MZF1: variants seen among roughly 807,000 people sequenced by gnomAD.
The protein encoded by MZF1 is zinc finger and SCAN domain-containing protein 6.
A neutral mutation model predicts 28.6 loss-of-function variants in MZF1; 24 were observed. The observed-to-expected ratio is 0.84, with a 90% CI of 0.61 to 1.18. The LOEUF (loss-of-function observed/expected upper bound fraction) is 1.18. Ranked by LOEUF, MZF1 falls within the 50% of genes most tolerant of loss-of-function variation. The probability of loss-of-function intolerance (pLI) is 0.00; values close to 1 mark genes in which losing one functional copy is unlikely to be tolerated. For missense variants in MZF1, 1,166 were observed against 1,026.4 expected, an observed-to-expected ratio of 1.14 and a Z score of -1.86; for synonymous variants, 516 against 432.5, an observed-to-expected ratio of 1.19 and a Z score of -2.40.
chr19:58,569,159 G>C (rs1347329762), intron 5 of MZF1, 118 bp downstream of exon 5: 1 of 1,332,020 alleles, frequency 7.5e-7, no homozygotes, highest in Non-Finnish European at 1.0e-6. Flanking sequence ...TCTAGGGAAT[G>C]GGGGAACTTG....
chr19:58,564,370 A>C (rs1389902902), intron 5 of MZF1: 2 of 152,244 alleles, frequency 1.3e-5, no homozygotes, highest in Non-Finnish European at 2.9e-5. Context: ...CAAACCAAAA[A>C]ACTCTCCACA....
chr19:58,571,194 G>A lies in MZF1; in HGVS notation c.196C>T (p.Arg66Ter), dbSNP rs766279533. ...TGPQEALAQL[R>*]ELCRQWLRPE... ...CGCAGCCACTGGCGACACAGCTCTCGGAGCTGGGCCAGGGCCTCTTGGGGC... is the reference window on the plus strand; with the variant it reads ...CGCAGCCACTGGCGACACAGCTCTCAGAGCTGGGCCAGGGCCTCTTGGGGC... The change falls in exon 2 of 6, where the codon CGA becomes TGA. Residue 66 changes from arginine (R) to a stop codon, truncating the protein, a stop_gained. Coordinates refer to ENST00000215057, the MANE Select transcript of MZF1 (RefSeq NM_198055.2). LOFTEE classifies it high-confidence loss of function. 7.4e-6 allele frequency: 12 copies of A among 1,613,144 alleles called. No homozygotes were observed. Among genetic ancestry groups the A allele is most frequent in the African/African-American group, 2.7e-5 (2 of 74,922 alleles).
At chr19:58,569,827 C>T (rs1244640010) in intron 3 of MZF1, 8 of 497,658 alleles carry the variant, frequency 1.6e-5, no homozygotes, top group South Asian at 5.1e-5. Context: ...CCCCTGTAGC[C>T]GTATGTGAAC....
In MZF1 at chr19:58,571,002, G is replaced by T; in HGVS notation, c.388C>A (p.Arg130=). 1 of 1,605,950 alleles carries T rather than the reference G, an allele frequency of 6.2e-7. No homozygotes were observed. The highest frequency in any genetic ancestry group is 8.5e-7 in the Non-Finnish European group (1 of 1,175,278). Reference sequence around the variant, plus strand: ...CGTGGACACTCACTCACCCATCTCCGGGGTCCGCCCGGCTCCCGGCGCAGC... The same window carrying T: ...CGTGGACACTCACTCACCCATCTCCTGGGTCCGCCCGGCTCCCGGCGCAGC... The part of the protein sequence containing the change: ...DGLRREPGGP[R]RWVTVQVQGQ... Residue 130 remains arginine, a synonymous_variant, in exon 2 of 6, where the codon CGG becomes AGG. Coordinates refer to ENST00000215057, the MANE Select transcript of MZF1 (RefSeq NM_198055.2).
chr19:58,572,749 G>T, intron 1 of MZF1: 1 of 616,130 alleles, frequency 1.6e-6, no homozygotes, highest in Non-Finnish European at 2.5e-6. Flanking sequence ...TAGCCAAGAT[G>T]GCAGGTACCT....
chr19:58,566,888 G>C (rs1201868416), intron 5 of MZF1, among the ~76,000 whole-genome samples: 1 of 146,964 alleles, frequency 6.8e-6, no homozygotes, highest in Non-Finnish European at 1.5e-5. Flanking sequence ...AAAAGGCACA[G>C]TTTTATTCCC....
chr19:58,572,919 C>T lies in MZF1; in HGVS notation c.-41+136G>A, dbSNP rs902737664. On this transcript the variant is annotated intron_variant, in intron 1 of 5. Coordinates refer to ENST00000215057, the MANE Select transcript of MZF1 (RefSeq NM_198055.2). ...GATTGACAAGCCTCTCGCTCTAGCC[C>T]TGGGCGCTCCCGCAAGGACTGCCCG... The T allele has an allele frequency of 2.0e-5, 5 of 249,050 alleles. No individual in the cohort carries two copies. In the Admixed American group the frequency reaches 2.5e-4, roughly 12 times the overall value. The allele number at this position is 249,050 out of a possible 1,614,324, so 15.4% of individuals were successfully genotyped here.
intron 1 of MZF1, 154 bp from the exon 2 acceptor site, chr19:58,571,583 A>G: frequency 1.4e-6 from 1 of 706,698 alleles, no homozygotes; most frequent in South Asian, 2.0e-5. Flanking sequence ...CCACAGACTT[A>G]TGCAGCTGGA....
Position 58,569,528 on chromosome 19 carries a change from A to G in MZF1, c.639T>C (p.Pro213=), listed in dbSNP as rs762161517. The change falls in exon 4 of 6, where the codon CCT becomes CCC. Residue 213 remains proline, a synonymous_variant. Coordinates refer to ENST00000215057, the MANE Select transcript of MZF1 (RefSeq NM_198055.2). ...ATQESVPTLL[P]EEAQRCGTVL... ...GGGCAGGACTTACCTGGGCCTCCTC[A>G]GGCAGGAGGGTGGGTACAGACTCCT... is the stretch of plus-strand genomic sequence containing the variant. 16 of 1,611,482 alleles carry G rather than the reference A, an allele frequency of 9.9e-6. No individual in the cohort carries two copies. In the South Asian group the frequency reaches 1.8e-4, roughly 18 times the overall value.
chr19:58,571,246 C>A lies in MZF1; in HGVS notation c.144G>T (p.Arg48=). 1 of 1,612,800 alleles carries A rather than the reference C, an allele frequency of 6.2e-7. No individual in the cohort carries two copies. The change falls in exon 2 of 6, where the codon CGG becomes CGT. Residue 48 remains arginine, a synonymous_variant. Transcript: ENST00000215057. The part of the protein sequence containing the change: ...PGPEAARLRF[R]CFRYEEATGP... Reference sequence around the variant, plus strand: ...CTGTGGCCTCCTCATAGCGGAAGCACCGGAAACGCAGGCGTGCAGCTTCAG... The same window carrying A: ...CTGTGGCCTCCTCATAGCGGAAGCAACGGAAACGCAGGCGTGCAGCTTCAG...
chr19:58,570,523 G>A lies in MZF1; in HGVS notation c.401C>T (p.Thr134Ile). 1 of 1,611,432 alleles carries A rather than the reference G, an allele frequency of 6.2e-7. No individual in the cohort carries two copies. Among genetic ancestry groups the A allele is most frequent in the Non-Finnish European group, 8.5e-7 (1 of 1,178,684 alleles). Reference sequence around the variant, plus strand: ...GACCTCCTGGCCCTGCACCTGGACTGTGACCTGGGGAGGTGCCCCCACCAT... The same window carrying A: ...GACCTCCTGGCCCTGCACCTGGACTATGACCTGGGGAGGTGCCCCCACCAT... ...REPGGPRRWVTVQVQGQEVLS... is the reference protein window; with the variant it reads ...REPGGPRRWVIVQVQGQEVLS... The change falls in exon 3 of 6, where the codon ACA becomes ATA. Residue 134 changes from threonine to isoleucine, a missense_variant. Physicochemically the swap from Thr to Ile is moderately conservative, Grantham distance 89. Transcript: ENST00000215057.
rs1253286923 is a variant in MZF1, at chr19:58,564,900, G to GTTTTTTTTTTTTTTT, written c.773-1397_773-1396insAAAAAAAAAAAAAAA. On this transcript the variant is annotated intron_variant, in intron 5 of 5. Coordinates refer to ENST00000215057, the MANE Select transcript of MZF1 (RefSeq NM_198055.2). ...GGGTGGAGAATAAGCATCCATGTGTGTGTTTTTTTTTTTTTTTTTTTTTTT... is the reference window on the plus strand; with the variant it reads ...GGGTGGAGAATAAGCATCCATGTGTGTTTTTTTTTTTTTTTTGTTTTTTTTTTTTTTTTTTTTTTT... Among the ~76,000 whole-genome samples the GTTTTTTTTTTTTTTT allele has an allele frequency of 1.3e-4, 9 of 69,354 alleles. 1 individual carries two copies. Among genetic ancestry groups the GTTTTTTTTTTTTTTT allele is most frequent in the African/African-American group, 6.5e-4 (9 of 13,836 alleles). The allele number at this position is 69,354 out of a possible 152,430, so 45.5% of individuals were successfully genotyped here.
rs114386645 is a variant in MZF1 at position 58,563,339 on chromosome 19, C to T, written c.938G>A (p.Ser313Asn). The T allele has an allele frequency of 3.1e-6, 5 of 1,608,840 alleles. No homozygotes were observed. Among genetic ancestry groups the T allele is most frequent in the Non-Finnish European group, 4.2e-6 (5 of 1,177,956 alleles). Residue 313 changes from serine (S) to asparagine (N), a missense_variant, in exon 6 of 6, where the codon AGT becomes AAT. Coordinates refer to ENST00000215057, the MANE Select transcript of MZF1 (RefSeq NM_198055.2). ...ATCCTCGTCCGTGGGGTCCTGTTCACTCCTCAGATCGCTGGGGAGCAGAAG... is the reference window on the plus strand; with the variant it reads ...ATCCTCGTCCGTGGGGTCCTGTTCATTCCTCAGATCGCTGGGGAGCAGAAG... Reference protein sequence around the residue: ...HALLLPSDLRSEQDPTDEDPC... With the variant: ...HALLLPSDLRNEQDPTDEDPC...
In MZF1 at chr19:58,569,413, T is replaced by C; in HGVS notation, c.652-16A>G. The stretch of plus-strand genomic sequence containing the variant: ...TCCCACATCTCTGAAATCACAGTGG[T>C]CACTGCTCCTCTGTGCCTGGCTGGG... On this transcript the variant is annotated splice_polypyrimidine_tract_variant and intron_variant, in intron 4 of 5. Coordinates refer to ENST00000215057, the MANE Select transcript of MZF1 (RefSeq NM_198055.2). The C allele has an allele frequency of 6.2e-7, 1 of 1,613,946 alleles. No homozygotes were observed.
chr19:58,569,304 C>A lies in MZF1; in HGVS notation c.745G>T (p.Glu249Ter), dbSNP rs1412084844. ...WREHPRALWH[E>*]EAGGIFSPGF... ...GGGGAGAAGATGCCCCCAGCTTCCT[C>A]ATGCCACAGGGCCCTGGGGTGCTCC... The change falls in exon 5 of 6, where the codon GAG becomes TAG. Residue 249 changes from glutamate (E) to a stop codon, truncating the protein, a stop_gained. Coordinates refer to ENST00000215057, the MANE Select transcript of MZF1 (RefSeq NM_198055.2). LOFTEE classifies it low-confidence loss of function (END_TRUNC). 1 of 1,609,126 alleles carries A rather than the reference C, an allele frequency of 6.2e-7. No individual in the cohort carries two copies. The highest frequency in any genetic ancestry group is 8.5e-7 in the Non-Finnish European group (1 of 1,178,016).
intron 1 of MZF1, 187 bp downstream of exon 1, chr19:58,572,868 A>G (rs1219802913): frequency 6.4e-6 from 2 of 310,582 alleles, no homozygotes; most frequent in Non-Finnish European, 1.3e-5. Flanking sequence ...GGGCTCCCAA[A>G]GCCTGTCGTC....
Position 58,563,250 on chromosome 19 carries a change from G to A in MZF1, c.1027C>T (p.Arg343Trp), listed in dbSNP as rs1478548117. The change falls in exon 6 of 6, where the codon CGG becomes TGG. Residue 343 changes from arginine to tryptophan, a missense_variant. Transcript: ENST00000215057. ...TRWRSPRGRSRGRPSTGGGVV... is the reference protein window; with the variant it reads ...TRWRSPRGRSWGRPSTGGGVV... Reference sequence around the variant, plus strand: ...CCGCCCCCAGTGCTGGGGCGGCCCCGGCTCCGGCCCCTGGGGGAGCGCCAG... The same window carrying A: ...CCGCCCCCAGTGCTGGGGCGGCCCCAGCTCCGGCCCCTGGGGGAGCGCCAG... 2 of 1,608,072 alleles carry A rather than the reference G, an allele frequency of 1.2e-6. No individual in the cohort carries two copies. The highest frequency in any genetic ancestry group is 1.3e-5 in the African/African-American group (1 of 74,966).
chr19:58,570,420 C>T lies in MZF1; in HGVS notation c.504G>A (p.Lys168=), dbSNP rs760538779. The T allele has an allele frequency of 1.9e-6, 3 of 1,613,836 alleles. No individual in the cohort carries two copies. The highest frequency in any genetic ancestry group is 2.2e-5 in the East Asian group (1 of 44,890). Reference sequence around the variant, plus strand: ...ATTCCTGCATAGTCCTAGGAGGTGTCTTGGGCCCAGGCTCTGGAGTTGGAG... The same window carrying T: ...ATTCCTGCATAGTCCTAGGAGGTGTTTTGGGCCCAGGCTCTGGAGTTGGAG... ...TEPPTPEPGP[K]TPPRTMQESP... Residue 168 remains lysine (K), a synonymous_variant, in exon 3 of 6, where the codon AAG becomes AAA. Coordinates refer to ENST00000215057, the MANE Select transcript of MZF1 (RefSeq NM_198055.2).
chr19:58,570,014 C>T (rs961998948), intron 3 of MZF1: 8 of 320,038 alleles, frequency 2.5e-5, no homozygotes, highest in Admixed American at 9.1e-5. Context: ...GCTGTCTGTT[C>T]CCCAGTGACA....
Sources: allele counts gnomAD v4.1 joint callset (sites outside exome capture counted in the v4.1 genomes callset), GRCh38; gene constraint gnomAD v4.1.1; transcripts MANE v1.5; gene names NCBI Gene and HGNC (gene_info 2026-07-23, HGNC 2026-07-21).